The following MAGI3 variants were observed in gnomAD, a reference collection of about 807,000 sequenced individuals.
The protein encoded by MAGI3 is membrane associated guanylate kinase, WW and PDZ domain containing 3, also known as membrane-associated guanylate kinase, WW and PDZ domain-containing protein 3.
MAGI3 carries 43 observed loss-of-function variants against 121.8 expected under a neutral mutation model. The observed-to-expected ratio is 0.35, with a 90% CI of 0.28 to 0.46. The LOEUF is 0.46. Among genes scored for constraint, MAGI3 ranks in the 20% least tolerant of loss-of-function variants. The pLI, the probability that MAGI3 is intolerant of heterozygous loss-of-function variation, is 1.00. For synonymous variants in MAGI3, 553 were observed against 639.3 expected, an observed-to-expected ratio of 0.86 and a Z score of 2.04; for missense variants, 1,547 against 1,797.3, an observed-to-expected ratio of 0.86 and a Z score of 2.52.
Position 113,622,862 on chromosome 1 carries a change from C to T in MAGI3, c.1228C>T (p.Arg410Ter), listed in dbSNP as rs1441979103. ...ATCCCAGCTTAAAGGTGTCCTTGTT[C>T]GAGCATCACTGAAAAAAAGCACAAT... ...DPSQLKGVLV[R>*]ASLKKSTMGF... Residue 410 changes from arginine (R) to a stop codon, truncating the protein, a stop_gained, in exon 9 of 21, where the codon CGA (arginine) becomes TGA (stop). Transcript: ENST00000307546. LOFTEE classifies it high-confidence loss of function. 6.3e-7 allele frequency: 1 copy of T among 1,599,198 alleles called. No individual in the cohort carries two copies. Among genetic ancestry groups the T allele is most frequent in the African/African-American group, 1.4e-5 (1 of 73,932 alleles).
Position 113,483,097 on chromosome 1 carries a change from A to G in MAGI3, c.317-66418A>G, listed in dbSNP as rs546084366. 1.6e-4 allele frequency among the ~76,000 whole-genome samples: 24 copies of G among 152,326 alleles called. No individual in the cohort carries two copies. In the South Asian group the frequency reaches 4.1e-3, roughly 26 times the overall value. ...ATACTGGGATTACAGATGTGAGCCAATGTACCCATGCAGATCCTTTTCTTA... is the reference window on the plus strand; with the variant it reads ...ATACTGGGATTACAGATGTGAGCCAGTGTACCCATGCAGATCCTTTTCTTA... On this transcript the variant is annotated intron_variant, in intron 1 of 20. Transcript: ENST00000307546.
chr1:113,683,070 C>G lies in MAGI3; in HGVS notation c.3502C>G (p.Pro1168Ala), dbSNP rs61751950. The G allele has an allele frequency of 2.4e-5, 38 of 1,612,882 alleles. No individual in the cohort carries two copies. The African/African-American group carries it at 4.8e-4, about 20-fold the overall frequency. The change falls in exon 21 of 21, where the codon CCT (proline) becomes GCT (alanine). Residue 1168 changes from proline to alanine, a missense_variant. Coordinates refer to ENST00000307546, the MANE Select transcript of MAGI3 (RefSeq NM_001142782.2). ...EKAEELKDIV[P>A]EKKSTLNENQ... Reference sequence around the variant, plus strand: ...GGCAGAAGAATTAAAGGACATTGTGCCTGAAAAGAAAAGCACTTTAAATGA... The same window carrying G: ...GGCAGAAGAATTAAAGGACATTGTGGCTGAAAAGAAAAGCACTTTAAATGA...
At chr1:113,680,479 CG>C (rs1648144633) in intron 19 of MAGI3, among the ~76,000 whole-genome samples, 1 of 152,074 alleles carries the variant, frequency 6.6e-6, no homozygotes, top group Non-Finnish European at 1.5e-5. Context: ...TACACAGGGC[CG>C]GGCGCGGTGG....
At chr1:113,410,702 A>G (rs1418074247) in intron 1 of MAGI3, among the ~76,000 whole-genome samples, 1 of 151,864 alleles carries the variant, frequency 6.6e-6, no homozygotes, top group Non-Finnish European at 1.5e-5. Flanking sequence ...TATTTGCTGG[A>G]TTGTTAACTA....
chr1:113,584,967 C>CAAATTT (rs1553202682), intron 3 of MAGI3, among the ~76,000 whole-genome samples: 2 of 135,756 alleles, frequency 1.5e-5, no homozygotes, highest in South Asian at 2.2e-4. Flanking sequence ...TAGATATTTC[C>CAAATTT]TTTTTTTTTT....
chr1:113,622,368 C>A (rs1650881888), intron 8 of MAGI3, among the ~76,000 whole-genome samples: 1 of 151,928 alleles, frequency 6.6e-6, no homozygotes, highest in Non-Finnish European at 1.5e-5. Flanking sequence ...CTAAATTATC[C>A]ACTAAACATG....
At chr1:113,538,380 G>C (rs10858001) in intron 1 of MAGI3, among the ~76,000 whole-genome samples, 44,453 of 151,996 alleles carry the variant, frequency 0.29, 7,347 homozygotes, top group East Asian at 0.65. Flanking sequence ...GGTTTTGTAC[G>C]CTCCTGTCAA....
chr1:113,494,489 C>A (rs1455008591), intron 1 of MAGI3, among the ~76,000 whole-genome samples: 3 of 152,088 alleles, frequency 2.0e-5, no homozygotes, highest in Non-Finnish European at 4.4e-5. Flanking sequence ...TGCATGTGTA[C>A]CCTTGAACTT....
chr1:113,546,400 G>C (rs781539611), intron 1 of MAGI3, among the ~76,000 whole-genome samples: 1 of 152,114 alleles, frequency 6.6e-6, no homozygotes, highest in Non-Finnish European at 1.5e-5. Flanking sequence ...GCAGCCGCAC[G>C]ATCTTGTCTC....
intron 1 of MAGI3, among the ~76,000 whole-genome samples, chr1:113,417,737 A>G (rs1652528998): frequency 6.6e-6 from 1 of 152,052 alleles, no homozygotes; most frequent in Non-Finnish European, 1.5e-5. Flanking sequence ...ATTATAACTG[A>G]TAGTTACTTG....
At position 113,391,363 on chromosome 1, in the gene MAGI3, G is replaced by C. The variant is rs1278926605; in HGVS notation, c.316+14G>C. ...CTGTGAAACCAGGTACGCCGGCCCT[G>C]CGTATCTGTCTCGGGGTGTTGGGGA... is the stretch of plus-strand genomic sequence containing the variant. On this transcript the variant is annotated intron_variant, in intron 1 of 20. Transcript: ENST00000307546. The surrounding 1 kb of genome is among the most constrained non-coding windows in gnomAD (Gnocchi z 4.4). The C allele has an allele frequency of 6.3e-7, 1 of 1,579,518 alleles. No individual in the cohort carries two copies. Among genetic ancestry groups the C allele is most frequent in the South Asian group, 1.2e-5 (1 of 86,074 alleles).
Position 113,684,082 on chromosome 1 carries a change from CCT to C in MAGI3, c.*69_*70del. On this transcript the variant is annotated 3_prime_UTR_variant, in exon 21 of 21. Transcript: ENST00000307546. ...TACAGCAGCATTTTTCCAGAAAAAGCCTTTTTTTTTTTTTCAGATATTCTGAA... is the reference window on the plus strand; with the variant it reads ...TACAGCAGCATTTTTCCAGAAAAAGCTTTTTTTTTTTTCAGATATTCTGAA... 1.4e-6 allele frequency: 2 copies of C among 1,408,554 alleles called. No individual in the cohort carries two copies. 87.3% of individuals were successfully genotyped at this position (1,408,554 alleles called of 1,614,324 possible). A position where few individuals can be genotyped will look rare whatever the true frequency, so the allele number is the denominator to read the frequency against.
chr1:113,677,209 T>C (rs1647927000), intron 19 of MAGI3, among the ~76,000 whole-genome samples: 1 of 152,210 alleles, frequency 6.6e-6, no homozygotes, highest in African/African-American at 2.4e-5. Context: ...TATTAGGGAA[T>C]AGTGTCAAAC....
intron 6 of MAGI3, among the ~76,000 whole-genome samples, chr1:113,602,994 A>G (rs1649503148): frequency 6.6e-6 from 1 of 151,984 alleles, no homozygotes; most frequent in Non-Finnish European, 1.5e-5. Context: ...GTATACATAC[A>G]CAGAAGATCA....
intron 1 of MAGI3, among the ~76,000 whole-genome samples, chr1:113,486,621 G>A (rs574085714): frequency 2.4e-4 from 36 of 147,404 alleles, no homozygotes; most frequent in African/African-American, 8.2e-4. Context: ...ATACTTTCTT[G>A]TGAAGACAAA....
At chr1:113,449,029 A>C (rs1654325992) in intron 1 of MAGI3, among the ~76,000 whole-genome samples, 1 of 151,952 alleles carries the variant, frequency 6.6e-6, no homozygotes, top group African/African-American at 2.4e-5. Flanking sequence ...GAGGCAGGGA[A>C]ATTGCTTGAA....
In MAGI3 at chr1:113,590,445, T is replaced by G. The variant is rs201762425; in HGVS notation, c.764-39T>G. On this transcript the variant is annotated intron_variant, in intron 4 of 20. Coordinates refer to ENST00000307546, the MANE Select transcript of MAGI3 (RefSeq NM_001142782.2). ...TGCTGTTTGAAGAAGAATATAACTT[T>G]ACCCACTTTTCACACCTTTCTGTTT... 1.1e-5 allele frequency: 18 copies of G among 1,599,634 alleles called. No homozygotes were observed. In the East Asian group the frequency reaches 3.6e-4, roughly 32 times the overall value.
At chr1:113,670,639 A>G (rs757739234) in intron 16 of MAGI3, among the ~76,000 whole-genome samples, 47 of 152,206 alleles carry the variant, frequency 3.1e-4, no homozygotes, top group Non-Finnish European at 6.2e-4. Flanking sequence ...TTTGATGATG[A>G]TGATGATGAT....
At chr1:113,612,346 T>C (rs1270691158) in intron 6 of MAGI3, among the ~76,000 whole-genome samples, 9 of 152,206 alleles carry the variant, frequency 5.9e-5, no homozygotes, top group Non-Finnish European at 2.9e-5. Flanking sequence ...TATCTTTATC[T>C]TATCATTTAT....
Sources: allele counts gnomAD v4.1 joint callset (sites outside exome capture counted in the v4.1 genomes callset), GRCh38; gene constraint gnomAD v4.1.1; non-coding constraint Gnocchi (gnomAD v3.1); transcripts MANE v1.5; gene names NCBI Gene and HGNC (gene_info 2026-07-23, HGNC 2026-07-21).